The following CDH12 variants were observed in gnomAD, a reference collection of about 807,000 sequenced individuals.
The protein encoded by CDH12 is cadherin-12.
In CDH12, 41 loss-of-function variants were observed where a neutral mutation model predicts 74.1. The ratio of observed to expected loss-of-function variants is 0.55; its 90% confidence interval spans 0.43 to 0.72. The LOEUF (loss-of-function observed/expected upper bound fraction) is 0.72, where lower values mean the gene tolerates loss of function less well. CDH12 is among the 30% of genes least tolerant of loss of function. CDH12 has a pLI of 0.00. For missense variants in CDH12, 945 were observed against 977.2 expected (o/e 0.97, Z 0.44); for synonymous variants, 399 against 355.0 (o/e 1.12, Z -1.39).
intron 7 of CDH12, among the ~76,000 whole-genome samples, chr5:21,852,487 G>A (rs994860229): frequency 6.6e-6 from 1 of 151,030 alleles, no homozygotes; most frequent in Non-Finnish European, 1.5e-5. Context: ...TATGTTTTTT[G>A]GTTCATAAAG....
At chr5:22,828,985 A>G (rs1736461906) in intron 1 of CDH12, among the ~76,000 whole-genome samples, 1 of 152,216 alleles carries the variant, frequency 6.6e-6, no homozygotes, top group Non-Finnish European at 1.5e-5. Flanking sequence ...TAGCAAAAAA[A>G]GTTAGACAAA....
chr5:21,852,300 T>G (rs1006516721), intron 7 of CDH12, among the ~76,000 whole-genome samples: 1 of 151,300 alleles, frequency 6.6e-6, no homozygotes, highest in African/African-American at 2.4e-5. Context: ...ATCTATTACA[T>G]AGCTTACGAC....
At chr5:21,820,264 G>A (rs1490345658) in intron 8 of CDH12, among the ~76,000 whole-genome samples, 2 of 151,964 alleles carry the variant, frequency 1.3e-5, no homozygotes, top group African/African-American at 2.4e-5. Context: ...ATTCTTTGTA[G>A]TATTCTATCA....
At chr5:22,481,895 C>A (rs866983873) in intron 2 of CDH12, among the ~76,000 whole-genome samples, 7 of 151,934 alleles carry the variant, frequency 4.6e-5, no homozygotes, top group African/African-American at 1.7e-4. Flanking sequence ...AAAAACAAAA[C>A]GAGGGGGTAT....
intron 1 of CDH12, among the ~76,000 whole-genome samples, chr5:22,597,347 AT>A (rs1736652317): frequency 6.6e-6 from 1 of 152,224 alleles, no homozygotes; most frequent in East Asian, 1.9e-4. Flanking sequence ...CAGCTTTCAA[AT>A]TTTAACCAGG....
intron 2 of CDH12, among the ~76,000 whole-genome samples, chr5:22,481,140 C>T (rs981198517): frequency 7.9e-5 from 12 of 152,052 alleles, no homozygotes; most frequent in Non-Finnish European, 1.8e-4. Context: ...CAAATCAAAA[C>T]AACAGTGAGA....
chr5:22,410,159 G>A (rs1242325285), intron 2 of CDH12, among the ~76,000 whole-genome samples: 2 of 151,984 alleles, frequency 1.3e-5, no homozygotes, highest in Non-Finnish European at 2.9e-5. Flanking sequence ...GTTTATCTCT[G>A]ACCTTCTCCT....
At chr5:21,930,548 C>T (rs1388850504) in intron 6 of CDH12, among the ~76,000 whole-genome samples, 1 of 152,092 alleles carries the variant, frequency 6.6e-6, no homozygotes, top group Non-Finnish European at 1.5e-5. Flanking sequence ...CTGATTATAA[C>T]CTGTTTCTTG....
At chr5:21,965,634 C>T (rs372199677) in intron 6 of CDH12, among the ~76,000 whole-genome samples, 13 of 150,578 alleles carry the variant, frequency 8.6e-5, no homozygotes, top group East Asian at 5.8e-4. Context: ...GTTTCTTGGT[C>T]GGGAATGAAA....
At chr5:22,095,895 T>C (rs995580674) in intron 4 of CDH12, among the ~76,000 whole-genome samples, 1 of 151,168 alleles carries the variant, frequency 6.6e-6, no homozygotes, top group Non-Finnish European at 1.5e-5. Flanking sequence ...TGCACCACGA[T>C]CCCTTATTTC....
rs542708832 is a variant in CDH12, at chr5:22,702,538, C to T, written c.-523+150520G>A. Among the ~76,000 whole-genome samples, 584 of 152,070 alleles carry T rather than the reference C, an allele frequency of 3.8e-3. 3 individuals are homozygous for T. The highest frequency in any genetic ancestry group is 0.014 in the African/African-American group (566 of 41,506). ...CTCTTGGAATCTCTTCCTCTCTCTTCCCCTTCTCCTTGATCTATTTTGACT... is the reference window on the plus strand; with the variant it reads ...CTCTTGGAATCTCTTCCTCTCTCTTTCCCTTCTCCTTGATCTATTTTGACT... On this transcript the variant is annotated intron_variant, in intron 1 of 14. Transcript: ENST00000382254.
chr5:22,767,727 C>A (rs1746594940), intron 1 of CDH12, among the ~76,000 whole-genome samples: 3 of 151,846 alleles, frequency 2.0e-5, no homozygotes, highest in Non-Finnish European at 4.4e-5. Flanking sequence ...CAAAATTATA[C>A]CTACGAGTTC....
intron 1 of CDH12, among the ~76,000 whole-genome samples, chr5:22,674,246 T>G (rs1741050229): frequency 6.6e-6 from 1 of 152,170 alleles, no homozygotes; most frequent in South Asian, 2.1e-4. Flanking sequence ...GGGAGGTAAT[T>G]GAATCATAGG....
At chr5:22,456,107 T>TTATATATATA (rs36020133) in intron 2 of CDH12, among the ~76,000 whole-genome samples, 5 of 147,888 alleles carry the variant, frequency 3.4e-5, no homozygotes, top group African/African-American at 1.3e-4. Flanking sequence ...CATGTGGATA[T>TTATATATATA]TATATATATA....
chr5:22,750,090 A>C (rs1005572258), intron 1 of CDH12, among the ~76,000 whole-genome samples: 4 of 152,108 alleles, frequency 2.6e-5, no homozygotes, highest in African/African-American at 9.7e-5. Flanking sequence ...TATTATACTA[A>C]AGTTACATAG....
In CDH12 at chr5:21,767,878, G is replaced by T. The variant is rs560874155; in HGVS notation, c.1394-2779C>A. On this transcript the variant is annotated intron_variant, in intron 11 of 14. Coordinates refer to ENST00000382254, the MANE Select transcript of CDH12 (RefSeq NM_004061.5). ...CAAATATGAATTGAAATTTTCACAA[G>T]AATGAATAATGCATAGGAGTAATAC... 5.3e-5 allele frequency among the ~76,000 whole-genome samples: 8 copies of T among 151,684 alleles called. No individual in the cohort carries two copies. In the South Asian group the frequency reaches 1.7e-3, roughly 31 times the overall value.
Position 22,702,539 on chromosome 5 carries a change from C to A in CDH12, c.-523+150519G>T, listed in dbSNP as rs187965778. 2.9e-4 allele frequency among the ~76,000 whole-genome samples: 44 copies of A among 152,014 alleles called. No homozygotes were observed. The East Asian group carries it at 4.9e-3, about 17-fold the overall frequency. The stretch of plus-strand genomic sequence containing the variant: ...TCTTGGAATCTCTTCCTCTCTCTTC[C>A]CCTTCTCCTTGATCTATTTTGACTT... On this transcript the variant is annotated intron_variant, in intron 1 of 14. Coordinates refer to ENST00000382254, the MANE Select transcript of CDH12 (RefSeq NM_004061.5).
chr5:22,338,966 T>C (rs1739722301), intron 3 of CDH12, among the ~76,000 whole-genome samples: 1 of 152,108 alleles, frequency 6.6e-6, no homozygotes, highest in Non-Finnish European at 1.5e-5. Flanking sequence ...GTCCTATTAC[T>C]GCAAAGAACT....
At chr5:22,330,548 C>G (rs1739305783) in intron 3 of CDH12, among the ~76,000 whole-genome samples, 1 of 151,840 alleles carries the variant, frequency 6.6e-6, no homozygotes, top group African/African-American at 2.4e-5. Context: ...GTCAAGAGAT[C>G]AAGACAATCC....
Sources: allele counts gnomAD v4.1 joint callset (sites outside exome capture counted in the v4.1 genomes callset), GRCh38; gene constraint gnomAD v4.1.1; transcripts MANE v1.5; gene names NCBI Gene and HGNC (gene_info 2026-07-23, HGNC 2026-07-21).